KIF3B: variants seen among roughly 807,000 people sequenced by gnomAD.
KIF3B encodes kinesin-like protein KIF3B.
In KIF3B, 38 loss-of-function variants were observed where a neutral mutation model predicts 74.3. The ratio of observed to expected loss-of-function variants is 0.51; its 90% CI spans 0.39 to 0.67. KIF3B has a LOEUF of 0.67. Ranked by LOEUF, KIF3B falls within the 30% of genes least tolerant of loss-of-function variation. The pLI is 0.00. For synonymous variants in KIF3B, 326 were observed against 342.5 expected (o/e 0.95, Z 0.53); for missense variants, 649 against 932.0 (o/e 0.70, Z 3.95).
At chr20:32,290,908 A>G (rs528777665) in intron 1 of KIF3B, among the ~76,000 whole-genome samples, 24 of 152,088 alleles carry the variant, frequency 1.6e-4, no homozygotes, top group Admixed American at 9.2e-4. Flanking sequence ...TATATAGTGC[A>G]TACATGGAAT....
intron 5 of KIF3B, among the ~76,000 whole-genome samples, chr20:32,319,786 A>G (rs909180742): frequency 3.3e-5 from 5 of 151,030 alleles, no homozygotes; most frequent in African/African-American, 1.2e-4. Context: ...GGGTGTCACC[A>G]TGTTGCCCAG....
In KIF3B at chr20:32,331,206, G is replaced by C; in HGVS notation, c.2148-17G>C. ...AGATGGGGACATGTAATATAAACAT[G>C]TGTTTGACTTTTGCAGGCCTAAAAG... is the stretch of plus-strand genomic sequence containing the variant. On this transcript the variant is annotated splice_polypyrimidine_tract_variant and intron_variant, in intron 8 of 8. Transcript: ENST00000375712. 2 of 1,581,242 alleles carry C rather than the reference G, an allele frequency of 1.3e-6. No individual in the cohort carries two copies. Among genetic ancestry groups the C allele is most frequent in the Non-Finnish European group, 1.7e-6 (2 of 1,150,402 alleles).
At chr20:32,315,768 C>T (rs1385510114) in intron 2 of KIF3B, among the ~76,000 whole-genome samples, 3 of 152,194 alleles carry the variant, frequency 2.0e-5, no homozygotes, top group South Asian at 2.1e-4. Context: ...CAGTGTGCCT[C>T]TCCCATGAAT....
rs546286350 is a variant in KIF3B, at chr20:32,331,525, T to G, written c.*206T>G. ...AGCCCCTCTGGGAAACATCTTTTAATTAGCATCTCAGAAATGCATGGGTAA... is the reference window on the plus strand; with the variant it reads ...AGCCCCTCTGGGAAACATCTTTTAAGTAGCATCTCAGAAATGCATGGGTAA... On this transcript the variant is annotated 3_prime_UTR_variant, in exon 9 of 9. Transcript: ENST00000375712. 1 of 554,176 alleles carries G rather than the reference T, an allele frequency of 1.8e-6. No homozygotes were observed. 34.3% of individuals were successfully genotyped at this position (554,176 alleles called of 1,614,324 possible). A position where few individuals can be genotyped will look rare whatever the true frequency, so the allele number is the denominator to read the frequency against.
chr20:32,300,614 A>G (rs1194612860), intron 1 of KIF3B, among the ~76,000 whole-genome samples: 4 of 151,776 alleles, frequency 2.6e-5, no homozygotes, highest in African/African-American at 4.8e-5. Context: ...TGGTCTCACT[A>G]TGTTCCCCAG....
intron 2 of KIF3B, among the ~76,000 whole-genome samples, chr20:32,312,124 T>C (rs533825414): frequency 3.0e-4 from 45 of 150,726 alleles, no homozygotes; most frequent in Admixed American, 6.6e-4. Flanking sequence ...TTCTTTCTTT[T>C]TTTTTTTTGA....
At chr20:32,326,485 C>T (rs1600439650) in intron 5 of KIF3B, among the ~76,000 whole-genome samples, 1 of 152,150 alleles carries the variant, frequency 6.6e-6, no homozygotes, top group Admixed American at 6.6e-5. Context: ...ACATCCTGCC[C>T]CTTCCCAGGC....
rs1307637291 is a variant in KIF3B, at chr20:32,334,133, T to A, written c.*2814T>A. 2.6e-5 allele frequency: 4 copies of A among 152,718 alleles called. No homozygotes were observed. Among genetic ancestry groups the A allele is most frequent in the African/African-American group, 4.8e-5 (2 of 41,434 alleles). 9.5% of individuals were successfully genotyped at this position (152,718 alleles called of 1,614,324 possible). On this transcript the variant is annotated 3_prime_UTR_variant, in exon 9 of 9. Coordinates refer to ENST00000375712, the MANE Select transcript of KIF3B (RefSeq NM_004798.4). ...AAAGCAAGTCTAACAGGATCTAAGATGACCATCAGGAGAAGGAGTTTGAGA... is the reference window on the plus strand; with the variant it reads ...AAAGCAAGTCTAACAGGATCTAAGAAGACCATCAGGAGAAGGAGTTTGAGA...
In KIF3B at chr20:32,310,696, G is replaced by GA. The variant is rs2047795659; in HGVS notation, c.919_920insA (p.Gly307GlufsTer35). On this transcript the variant is annotated frameshift_variant, in exon 2 of 9. Transcript: ENST00000375712. LOFTEE classifies it high-confidence loss of function. This position sits in a 1 kb window ranked among gnomAD's most constrained non-coding sequence, Gnocchi z 6.5. ...CAGGCTCCTCCAAGATTCCCTTGGT[G>GA]GCAATGCCAAGACTGTGATGGTGGC... The GA allele has an allele frequency of 6.2e-7, 1 of 1,614,028 alleles. No individual in the cohort carries two copies. The highest frequency in any genetic ancestry group is 1.7e-5 in the Admixed American group (1 of 59,996).
chr20:32,289,852 A>G (rs1352047654), intron 1 of KIF3B, among the ~76,000 whole-genome samples: 4 of 152,178 alleles, frequency 2.6e-5, no homozygotes, highest in Admixed American at 6.6e-5. Flanking sequence ...TTGGAGCCAG[A>G]TGGACCTGGT....
At chr20:32,279,998 A>G (rs2047634692) in intron 1 of KIF3B, among the ~76,000 whole-genome samples, 1 of 152,246 alleles carries the variant, frequency 6.6e-6, no homozygotes, top group Non-Finnish European at 1.5e-5. Flanking sequence ...TACCTCTGAA[A>G]TGATGAGAGG....
At chr20:32,314,613 C>T (rs929022648) in intron 2 of KIF3B, among the ~76,000 whole-genome samples, 1 of 152,048 alleles carries the variant, frequency 6.6e-6, no homozygotes, top group Non-Finnish European at 1.5e-5. Context: ...TCTAGTCCAG[C>T]CCCTTCATTC....
At chr20:32,323,423 C>G (rs1257806379) in intron 5 of KIF3B, among the ~76,000 whole-genome samples, 1 of 151,530 alleles carries the variant, frequency 6.6e-6, no homozygotes, top group East Asian at 1.9e-4. Context: ...TTATTTGAGA[C>G]AGAGTCTCAC....
chr20:32,299,379 G>GTATATATA (rs1555895040), intron 1 of KIF3B, among the ~76,000 whole-genome samples: 865 of 22,712 alleles, frequency 0.038, 26 homozygotes, highest in Middle Eastern at 0.048. Context: ...TGGTGTGTGT[G>GTATATATA]TATATATATA....
intron 1 of KIF3B, among the ~76,000 whole-genome samples, chr20:32,306,953 A>G (rs1470810637): frequency 1.3e-5 from 2 of 152,084 alleles, no homozygotes; most frequent in African/African-American, 2.4e-5. Flanking sequence ...TAAAGCTGCT[A>G]CTGTTACTAC....
intron 5 of KIF3B, among the ~76,000 whole-genome samples, chr20:32,321,421 T>A (rs1479186552): frequency 6.9e-6 from 1 of 144,468 alleles, no homozygotes; most frequent in Non-Finnish European, 1.5e-5. Flanking sequence ...AGAGCAAGAC[T>A]CTGTCTCAAA....
chr20:32,300,665 C>T (rs1600423395), intron 1 of KIF3B, among the ~76,000 whole-genome samples: 2 of 152,150 alleles, frequency 1.3e-5, no homozygotes, highest in African/African-American at 4.8e-5. Context: ...CCTCCCACCT[C>T]GGCCTCGCAG....
At chr20:32,298,226 G>T (rs1396578693) in intron 1 of KIF3B, among the ~76,000 whole-genome samples, 1 of 151,816 alleles carries the variant, frequency 6.6e-6, no homozygotes. Flanking sequence ...ACTTGAGGCT[G>T]GGAGTTCGAG....
At chr20:32,318,537 A>G (rs1236437226) in intron 5 of KIF3B, among the ~76,000 whole-genome samples, 2 of 152,116 alleles carry the variant, frequency 1.3e-5, no homozygotes, top group Non-Finnish European at 2.9e-5. Context: ...TGGCCATCTC[A>G]TATAAATGGA....
Sources: allele counts gnomAD v4.1 joint callset (sites outside exome capture counted in the v4.1 genomes callset), GRCh38; gene constraint gnomAD v4.1.1; non-coding constraint Gnocchi (gnomAD v3.1); transcripts MANE v1.5; gene names NCBI Gene and HGNC (gene_info 2026-07-23, HGNC 2026-07-21).